Variants in MYO5B observed in about 807,000 individuals in gnomAD.
The protein encoded by MYO5B is unconventional myosin-Vb.
A neutral mutation model predicts 229.3 loss-of-function variants in MYO5B; 143 were observed. The observed-to-expected ratio is 0.62, with a 90% CI of 0.54 to 0.72. The LOEUF is 0.72. Ranked by LOEUF, MYO5B falls within the 30% of genes least tolerant of loss-of-function variation. The pLI is 0.00. For missense variants in MYO5B, 2,321 were observed against 2,331.0 expected, an observed-to-expected ratio of 1.00 and a Z score of 0.09; for synonymous variants, 918 against 885.2, an observed-to-expected ratio of 1.04 and a Z score of -0.66.
chr18:50,019,891 C>A (rs2026256095), intron 4 of MYO5B, among the ~76,000 whole-genome samples: 1 of 152,180 alleles, frequency 6.6e-6, no homozygotes, highest in Non-Finnish European at 1.5e-5. Context: ...CTTTCTCTTG[C>A]ATGATCTGTC....
chr18:49,915,955 G>A (rs1451881774), intron 17 of MYO5B, among the ~76,000 whole-genome samples: 2 of 152,130 alleles, frequency 1.3e-5, no homozygotes, highest in African/African-American at 4.8e-5. Flanking sequence ...TATGAAAAAG[G>A]GCCTCACAGA....
At chr18:50,015,311 G>C (rs1345040318) in intron 4 of MYO5B, among the ~76,000 whole-genome samples, 1 of 152,052 alleles carries the variant, frequency 6.6e-6, no homozygotes, top group African/African-American at 2.4e-5. Flanking sequence ...CATGAGTAGG[G>C]GAACTGTTTT....
intron 4 of MYO5B, among the ~76,000 whole-genome samples, chr18:50,033,146 C>A (rs538667562): frequency 6.6e-6 from 1 of 152,114 alleles, no homozygotes; most frequent in Non-Finnish European, 1.5e-5. Context: ...TGTAAGAATT[C>A]GAATTTCTCC....
At chr18:49,891,367 G>A (rs200377375) in intron 22 of MYO5B, among the ~76,000 whole-genome samples, 9 of 152,298 alleles carry the variant, frequency 5.9e-5, no homozygotes, top group East Asian at 5.8e-4. Context: ...ATTGTTGTTT[G>A]TAGCCCTTGG....
intron 4 of MYO5B, among the ~76,000 whole-genome samples, chr18:50,029,391 T>G (rs945438563): frequency 6.6e-6 from 1 of 152,170 alleles, no homozygotes; most frequent in African/African-American, 2.4e-5. Flanking sequence ...GAGAAGAGAT[T>G]AAAAACCATT....
At chr18:49,920,265 A>G (rs1254220691) in intron 17 of MYO5B, among the ~76,000 whole-genome samples, 3 of 152,204 alleles carry the variant, frequency 2.0e-5, no homozygotes. Context: ...AATAACTGAA[A>G]TTGCATACTT....
intron 1 of MYO5B, among the ~76,000 whole-genome samples, chr18:50,067,541 G>A (rs547850720): frequency 1.3e-5 from 2 of 152,312 alleles, no homozygotes; most frequent in Admixed American, 6.5e-5. Flanking sequence ...CCTAATGGGG[G>A]ATGTTTGGTC....
At chr18:49,865,504 G>T (rs1332279246) in intron 27 of MYO5B, among the ~76,000 whole-genome samples, 1 of 152,184 alleles carries the variant, frequency 6.6e-6, no homozygotes, top group African/African-American at 2.4e-5. Context: ...TCAGTGCCTG[G>T]GTGATCTTCT....
At chr18:50,000,736 G>C (rs966259217) in intron 5 of MYO5B, among the ~76,000 whole-genome samples, 3 of 152,168 alleles carry the variant, frequency 2.0e-5, no homozygotes, top group Non-Finnish European at 1.5e-5. Context: ...CCATCATAGG[G>C]AACTGTTTTC....
Position 50,085,304 on chromosome 18 carries a change from A to C in MYO5B, c.28-29926T>G, listed in dbSNP as rs564593255. 4.7e-3 allele frequency among the ~76,000 whole-genome samples: 718 copies of C among 152,336 alleles called. 5 individuals are homozygous for C. Among genetic ancestry groups the C allele is most frequent in the African/African-American group, 0.016 (669 of 41,570 alleles). On this transcript the variant is annotated intron_variant, in intron 1 of 39. Coordinates refer to ENST00000285039, the MANE Select transcript of MYO5B (RefSeq NM_001080467.3). Reference sequence around the variant, plus strand: ...GAAGACATTTATGCAGCCAAAAAACACATGAAAAAATACTCATCATCACTG... The same window carrying C: ...GAAGACATTTATGCAGCCAAAAAACCCATGAAAAAATACTCATCATCACTG...
chr18:49,854,804 G>T (rs1010963320), intron 30 of MYO5B, among the ~76,000 whole-genome samples: 2 of 152,156 alleles, frequency 1.3e-5, no homozygotes, highest in Non-Finnish European at 2.9e-5. Flanking sequence ...TCATAAGACA[G>T]GTGGGACCAT....
intron 1 of MYO5B, among the ~76,000 whole-genome samples, chr18:50,119,269 A>C (rs1406926380): frequency 6.6e-6 from 1 of 152,168 alleles, no homozygotes; most frequent in Non-Finnish European, 1.5e-5. Flanking sequence ...GGCTCCTCCA[A>C]CAGCATTTAT....
Position 49,835,427 on chromosome 18 carries a change from G to T in MYO5B, c.5314-3C>A. 6.2e-7 allele frequency: 1 copy of T among 1,607,684 alleles called. No individual in the cohort carries two copies. Among genetic ancestry groups the T allele is most frequent in the Non-Finnish European group, 8.5e-7 (1 of 1,174,402 alleles). On this transcript the variant is annotated splice_polypyrimidine_tract_variant and splice_region_variant and intron_variant, in intron 38 of 39. Transcript: ENST00000285039. The stretch of plus-strand genomic sequence containing the variant: ...TAAAGGTTTAAAATTTTGACAATCT[G>T]TTGGGGATAAAAACGGAATTTAGCA...
chr18:49,888,743 G>A (rs1694624102), intron 22 of MYO5B, among the ~76,000 whole-genome samples: 1 of 152,190 alleles, frequency 6.6e-6, no homozygotes, highest in Admixed American at 6.5e-5. Flanking sequence ...GGATCTGCCT[G>A]AATGTTTCAC....
chr18:50,079,279 C>T (rs1179591594), intron 1 of MYO5B, among the ~76,000 whole-genome samples: 2 of 152,232 alleles, frequency 1.3e-5, no homozygotes, highest in African/African-American at 4.8e-5. Flanking sequence ...TACACCCTCA[C>T]CACATGTGTG....
chr18:50,071,227 C>G (rs1038655227), intron 1 of MYO5B, among the ~76,000 whole-genome samples: 1 of 152,178 alleles, frequency 6.6e-6, no homozygotes, highest in South Asian at 2.1e-4. Context: ...TGTTATTCAC[C>G]CTTTAAGGAC....
intron 14 of MYO5B, among the ~76,000 whole-genome samples, chr18:49,952,049 A>G (rs2025436301): frequency 6.6e-6 from 1 of 152,192 alleles, no homozygotes; most frequent in Non-Finnish European, 1.5e-5. Flanking sequence ...TGTTCCAGAT[A>G]TCCAGAGATC....
chr18:50,136,098 G>T (rs1032769563), intron 1 of MYO5B, among the ~76,000 whole-genome samples: 1 of 152,158 alleles, frequency 6.6e-6, no homozygotes, highest in Non-Finnish European at 1.5e-5. Context: ...CGTCTGTCAC[G>T]CATACAGCTT....
chr18:50,180,006 G>A (rs918812978), intron 1 of MYO5B, among the ~76,000 whole-genome samples: 6 of 152,124 alleles, frequency 3.9e-5, no homozygotes, highest in South Asian at 2.1e-4. Flanking sequence ...ACTTAGGTCC[G>A]GACCTCTAGG....
Sources: allele counts gnomAD v4.1 joint callset (sites outside exome capture counted in the v4.1 genomes callset), GRCh38; gene constraint gnomAD v4.1.1; transcripts MANE v1.5; gene names NCBI Gene and HGNC (gene_info 2026-07-23, HGNC 2026-07-21).